FAM120B: variants seen among roughly 807,000 people sequenced by gnomAD.
FAM120B encodes the protein family with sequence similarity 120 member B.
FAM120B carries 83 observed loss-of-function variants against 96.3 expected under a neutral mutation model. The observed-to-expected ratio is 0.86, with a 90% confidence interval of 0.72 to 1.03. The LOEUF is 1.03. Among genes scored for constraint, FAM120B ranks in the 50% least tolerant of loss-of-function variants. The pLI is 0.00. For synonymous variants in FAM120B, 407 were observed against 402.7 expected, an observed-to-expected ratio of 1.01 and a Z score of -0.13; for missense variants, 1,027 against 1,121.2, an observed-to-expected ratio of 0.92 and a Z score of 1.20.
At chr6:170,368,667 A>G (rs1788955964) in intron 6 of FAM120B, among the ~76,000 whole-genome samples, 1 of 152,254 alleles carries the variant, frequency 6.6e-6, no homozygotes, top group Non-Finnish European at 1.5e-5. Context: ...AAATTTGGTG[A>G]ATGAATGAAT....
At chr6:170,372,059 C>G (rs1369382673) in intron 6 of FAM120B, among the ~76,000 whole-genome samples, 2 of 152,124 alleles carry the variant, frequency 1.3e-5, no homozygotes, top group African/African-American at 4.8e-5. Flanking sequence ...AGAGTTTATC[C>G]TACTGATATG....
intron 6 of FAM120B, among the ~76,000 whole-genome samples, chr6:170,362,430 G>A (rs1471843599): frequency 6.6e-6 from 1 of 152,078 alleles, no homozygotes; most frequent in Non-Finnish European, 1.5e-5. Context: ...GTGGAAAGAG[G>A]TATAATTGTC....
chr6:170,348,411 C>T lies in FAM120B; in HGVS notation c.2190+88C>T, dbSNP rs190750127. 5.7e-5 allele frequency: 70 copies of T among 1,237,710 alleles called. 1 individual carries two copies. The highest frequency in any genetic ancestry group is 7.3e-5 in the Non-Finnish European group (64 of 874,462). 76.7% of individuals were successfully genotyped at this position (1,237,710 alleles called of 1,614,324 possible). On this transcript the variant is annotated intron_variant, in intron 5 of 10. Transcript: ENST00000476287. ...TGGGATATTGCCATGGCTGGTGTCC[C>T]GGATTGTCTTTTTCCAATGTCTGTT...
chr6:170,328,099 T>A (rs1432610539), intron 3 of FAM120B, among the ~76,000 whole-genome samples: 1 of 152,240 alleles, frequency 6.6e-6, no homozygotes, highest in African/African-American at 2.4e-5. Context: ...TTATAAACTT[T>A]TAAATTTATT....
intron 6 of FAM120B, among the ~76,000 whole-genome samples, chr6:170,383,789 A>G (rs181234212): frequency 2.8e-4 from 30 of 105,764 alleles, no homozygotes; most frequent in African/African-American, 1.1e-3. Context: ...ATGCCTGGGC[A>G]TGAAAACTTA....
intron 1 of FAM120B, among the ~76,000 whole-genome samples, chr6:170,313,578 A>G (rs1267226854): frequency 6.6e-6 from 1 of 152,238 alleles, no homozygotes; most frequent in Non-Finnish European, 1.5e-5. Flanking sequence ...TTAGAGTACA[A>G]ACATTGTGAT....
chr6:170,328,935 C>T (rs888489624), intron 3 of FAM120B, among the ~76,000 whole-genome samples: 1 of 152,226 alleles, frequency 6.6e-6, no homozygotes, highest in Non-Finnish European at 1.5e-5. Context: ...GTGGCTTTTA[C>T]TTTACAGCTA....
At chr6:170,377,700 G>A (rs1178944918) in intron 6 of FAM120B, among the ~76,000 whole-genome samples, 2 of 131,536 alleles carry the variant, frequency 1.5e-5, no homozygotes, top group South Asian at 2.7e-4. Flanking sequence ...CACGCTGCTC[G>A]GTGCTGTGCA....
chr6:170,375,263 C>T (rs977402825), intron 6 of FAM120B, among the ~76,000 whole-genome samples: 1 of 152,258 alleles, frequency 6.6e-6, no homozygotes, highest in Non-Finnish European at 1.5e-5. Flanking sequence ...TGTAATCACA[C>T]AGCACATAGG....
At chr6:170,386,373 C>T (rs1790186694) in intron 6 of FAM120B, among the ~76,000 whole-genome samples, 1 of 152,040 alleles carries the variant, frequency 6.6e-6, no homozygotes, top group Non-Finnish European at 1.5e-5. Context: ...CACAAATTGC[C>T]AGTATACAGC....
rs185006654 is a variant in FAM120B at position 170,335,518 on chromosome 6, C to T, written c.2017+4968C>T. Among the ~76,000 whole-genome samples, 11 of 152,212 alleles carry T rather than the reference C, an allele frequency of 7.2e-5. No individual in the cohort carries two copies. In the East Asian group the frequency reaches 2.1e-3, roughly 29 times the overall value. ...TGTAAATAGTACTGCAGTAAACATA[C>T]GTGTGCATGTGTCTTTATAGTAGAA... is the stretch of plus-strand genomic sequence containing the variant. On this transcript the variant is annotated intron_variant, in intron 4 of 10. Transcript: ENST00000476287.
intron 9 of FAM120B, among the ~76,000 whole-genome samples, chr6:170,399,283 G>A (rs1778399796): frequency 6.8e-6 from 1 of 146,832 alleles, no homozygotes; most frequent in African/African-American, 2.6e-5. Context: ...TCTTAGTAGT[G>A]AGTGGGGAAG....
At chr6:170,304,491 C>CTTCTCTTTTATCT (rs139932782), upstream of FAM120B, among the ~76,000 whole-genome samples, 1,533 of 152,040 alleles carry the variant, frequency 0.01, 68 homozygotes, top group East Asian at 0.11. Flanking sequence ...GAAGATTTTC[C>CTTCTCTTTTATCT]TTCTCTTTTA....
chr6:170,324,604 T>C (rs979290916), intron 3 of FAM120B, among the ~76,000 whole-genome samples: 3 of 152,354 alleles, frequency 2.0e-5, no homozygotes, highest in South Asian at 2.1e-4. Context: ...CATTAAACTA[T>C]ATAAATTTCA....
At chr6:170,300,530 C>T (rs1784118496) in intron 1 of FAM120B, among the ~76,000 whole-genome samples, 1 of 152,158 alleles carries the variant, frequency 6.6e-6, no homozygotes. Context: ...TCATACCTGC[C>T]CAACGGTCCC....
At chr6:170,391,831 G>A (rs1790495574) in intron 8 of FAM120B, among the ~76,000 whole-genome samples, 1 of 152,106 alleles carries the variant, frequency 6.6e-6, no homozygotes, top group Non-Finnish European at 1.5e-5. Context: ...TAAAGACAAC[G>A]AGCTTCTGCC....
chr6:170,301,007 C>T (rs565866350), intron 1 of FAM120B, among the ~76,000 whole-genome samples: 25 of 152,296 alleles, frequency 1.6e-4, no homozygotes, highest in South Asian at 4.1e-4. Flanking sequence ...CAATGGTGGC[C>T]CTTTTCTCAC....
At chr6:170,336,689 G>C (rs915099461) in intron 4 of FAM120B, among the ~76,000 whole-genome samples, 4 of 152,106 alleles carry the variant, frequency 2.6e-5, no homozygotes, top group African/African-American at 9.7e-5. Context: ...CCATTTGTTT[G>C]TGTCCTCTCT....
intron 1 of FAM120B, among the ~76,000 whole-genome samples, chr6:170,311,643 C>G (rs564808171): frequency 6.6e-6 from 1 of 152,178 alleles, no homozygotes; most frequent in African/African-American, 2.4e-5. Flanking sequence ...AGCACTCTTA[C>G]CTTCTCTGTC....
Sources: allele counts gnomAD v4.1 joint callset (sites outside exome capture counted in the v4.1 genomes callset), GRCh38; gene constraint gnomAD v4.1.1; transcripts MANE v1.5; gene names NCBI Gene and HGNC (gene_info 2026-07-23, HGNC 2026-07-21).